CACNA1E: variants seen among roughly 807,000 people sequenced by gnomAD.
The protein encoded by CACNA1E is voltage-dependent R-type calcium channel subunit alpha-1E.
In CACNA1E, 40 loss-of-function variants were observed where a neutral mutation model predicts 259.2. The observed-to-expected ratio is 0.15, with a 90% CI of 0.12 to 0.20. The LOEUF (loss-of-function observed/expected upper bound fraction) is 0.20. CACNA1E is among the 10% of genes least tolerant of loss of function. The pLI, the probability that CACNA1E is intolerant of heterozygous loss-of-function variation, is 1.00. For missense variants in CACNA1E, 1,874 were observed against 3,040.1 expected, an observed-to-expected ratio of 0.62 and a Z score of 9.02; for synonymous variants, 1,104 against 1,138.5, an observed-to-expected ratio of 0.97 and a Z score of 0.61.
intron 1 of CACNA1E, among the ~76,000 whole-genome samples, chr1:181,348,703 T>C (rs551384211): frequency 2.1e-4 from 32 of 152,298 alleles, no homozygotes; most frequent in African/African-American, 7.5e-4. Context: ...AAGGGTGAGT[T>C]CTCCTTTCTC....
chr1:181,320,187 T>C (rs2102555250), intron 1 of CACNA1E, among the ~76,000 whole-genome samples: 1 of 152,292 alleles, frequency 6.6e-6, no homozygotes, highest in Admixed American at 6.5e-5. Context: ...CTCCACTCCT[T>C]GAAGGCTAGG....
intron 2 of CACNA1E, among the ~76,000 whole-genome samples, chr1:181,420,595 G>A (rs10910935): frequency 0.25 from 38,210 of 152,020 alleles, 4,889 homozygotes; most frequent in Admixed American, 0.29. Flanking sequence ...AGTTAGAGGT[G>A]GTACTAGGTC....
Position 181,776,184 on chromosome 1 carries a change from G to A in CACNA1E, c.5223G>A (p.Leu1741=), listed in dbSNP as rs199961481. The change falls in exon 38 of 48, where the codon TTG becomes TTA. Residue 1741 remains leucine (L), a synonymous_variant. Transcript: ENST00000367573. The surrounding 1 kb of genome is among the most constrained non-coding windows in gnomAD (Gnocchi z 4.4). ...RDSSILGPHH[L]DEFVRVWAEY... is the part of the protein sequence containing the mutation. ...CCTCCATCCTGGGGCCTCACCACTT[G>A]GACGAGTTTGTCCGCGTCTGGGCAG... 2.7e-5 allele frequency: 44 copies of A among 1,613,890 alleles called. No homozygotes were observed. The highest frequency in any genetic ancestry group is 5.9e-6 in the Non-Finnish European group (7 of 1,179,884).
At chr1:181,453,318 T>C (rs79658884) in intron 2 of CACNA1E, among the ~76,000 whole-genome samples, 3,311 of 152,310 alleles carry the variant, frequency 0.022, 52 homozygotes, top group South Asian at 0.053. Context: ...CTGCCTAGAA[T>C]TTAGTGATAA....
chr1:181,495,598 A>G (rs1382716639), intron 1 of CACNA1E, among the ~76,000 whole-genome samples: 16 of 152,192 alleles, frequency 1.1e-4, no homozygotes, highest in Non-Finnish European at 1.5e-5. Flanking sequence ...ATGCTGTCCT[A>G]CTTCCTCCTG....
chr1:181,745,018 A>G (rs552196310), intron 25 of CACNA1E, among the ~76,000 whole-genome samples: 346 of 152,304 alleles, frequency 2.3e-3, no homozygotes, highest in African/African-American at 8.1e-3. Flanking sequence ...CCAGACAAGG[A>G]CACTAAGGAT....
At chr1:181,583,786 G>T (rs1475108503) in intron 6 of CACNA1E, among the ~76,000 whole-genome samples, 1 of 152,128 alleles carries the variant, frequency 6.6e-6, no homozygotes, top group African/African-American at 2.4e-5. Flanking sequence ...CAACTGCTTG[G>T]TCAAACTCCA....
At chr1:181,635,781 T>A (rs1657155497) in intron 6 of CACNA1E, among the ~76,000 whole-genome samples, 1 of 152,206 alleles carries the variant, frequency 6.6e-6, no homozygotes, top group South Asian at 2.1e-4. Flanking sequence ...TTCCTCTGCA[T>A]TTTGATTCTA....
chr1:181,578,059 A>G (rs1651150377), intron 4 of CACNA1E, among the ~76,000 whole-genome samples, 190 bp downstream of exon 4: 1 of 152,244 alleles, frequency 6.6e-6, no homozygotes, highest in African/African-American at 2.4e-5. Context: ...TTGCAAATAT[A>G]AAAGATAATA....
intron 2 of CACNA1E, among the ~76,000 whole-genome samples, chr1:181,428,233 G>A (rs149184159): frequency 1.7e-3 from 264 of 152,332 alleles, no homozygotes; most frequent in African/African-American, 6.0e-3. Flanking sequence ...CACAGTCTGT[G>A]TTATCTCTCT....
intron 7 of CACNA1E, among the ~76,000 whole-genome samples, chr1:181,664,832 G>A (rs1020051344): frequency 4.6e-5 from 7 of 152,074 alleles, no homozygotes; most frequent in African/African-American, 1.4e-4. Context: ...CAGGGTGAAG[G>A]TGTTGAGGGA....
intron 3 of CACNA1E, among the ~76,000 whole-genome samples, chr1:181,546,042 C>T (rs1430976650): frequency 6.6e-6 from 1 of 152,060 alleles, no homozygotes; most frequent in Admixed American, 6.5e-5. Context: ...GATGACTGGC[C>T]TGTGTTGACA....
chr1:181,373,353 C>T (rs1332871474), intron 1 of CACNA1E, among the ~76,000 whole-genome samples: 2 of 151,990 alleles, frequency 1.3e-5, no homozygotes, highest in African/African-American at 2.4e-5. Context: ...CTTCCTGGTT[C>T]AATCTTGGAA....
chr1:181,441,527 T>G (rs1660475476), intron 2 of CACNA1E, among the ~76,000 whole-genome samples: 3 of 152,212 alleles, frequency 2.0e-5, no homozygotes, highest in Non-Finnish European at 4.4e-5. Context: ...AACACAATGA[T>G]TGGTCATTCT....
chr1:181,492,711 A>G (rs1162207129), intron 1 of CACNA1E, among the ~76,000 whole-genome samples: 1 of 152,220 alleles, frequency 6.6e-6, no homozygotes, highest in African/African-American at 2.4e-5. Context: ...AGAGCTTTCA[A>G]TAAGCATCTC....
chr1:181,569,327 A>G (rs1650171221), intron 3 of CACNA1E, among the ~76,000 whole-genome samples: 1 of 152,156 alleles, frequency 6.6e-6, no homozygotes, highest in African/African-American at 2.4e-5. Context: ...GGGCCCCGGC[A>G]GAGTAGGTGG....
intron 6 of CACNA1E, among the ~76,000 whole-genome samples, chr1:181,644,686 A>T (rs931771356): frequency 1.3e-5 from 2 of 152,120 alleles, no homozygotes; most frequent in Non-Finnish European, 2.9e-5. Flanking sequence ...GCAGTGTTTT[A>T]ATGAGGGACT....
chr1:181,663,869 G>A (rs1159967992), intron 7 of CACNA1E, among the ~76,000 whole-genome samples: 1 of 151,990 alleles, frequency 6.6e-6, no homozygotes, highest in Admixed American at 6.5e-5. Context: ...TTTTTCATAT[G>A]AACTTAGATT....
At chr1:181,706,526 T>C (rs1572656967) in intron 7 of CACNA1E, among the ~76,000 whole-genome samples, 1 of 152,258 alleles carries the variant, frequency 6.6e-6, no homozygotes. Flanking sequence ...TATCACTAGC[T>C]TGACTAACGC....
Sources: gnomAD v4.1 joint callset for allele counts (sites outside exome capture counted in the v4.1 genomes callset) on GRCh38, gnomAD v4.1.1 for gene constraint, Gnocchi (gnomAD v3.1) non-coding constraint, MANE v1.5 for transcripts, NCBI Gene and HGNC (gene_info 2026-07-23, HGNC 2026-07-21) for gene names.